Variants in BAZ2B observed in about 807,000 individuals in gnomAD.
The protein encoded by BAZ2B is bromodomain adjacent to zinc finger domain 2B, also known as bromodomain adjacent to zinc finger domain protein 2B.
Under a neutral mutation model 246.0 loss-of-function variants are expected in BAZ2B, and 91 were observed. The observed-to-expected ratio is 0.37, with a 90% confidence interval of 0.31 to 0.44. BAZ2B has a LOEUF of 0.44. Ranked by LOEUF, BAZ2B falls within the 20% of genes least tolerant of loss-of-function variation. The pLI, the probability that BAZ2B is intolerant of heterozygous loss-of-function variation, is 1.00. For synonymous variants in BAZ2B, 855 were observed against 860.0 expected, an observed-to-expected ratio of 0.99 and a Z score of 0.10; for missense variants, 2,332 against 2,533.7, an observed-to-expected ratio of 0.92 and a Z score of 1.71.
chr2:159,529,592 T>C (rs552329584), intron 2 of BAZ2B, among the ~76,000 whole-genome samples: 46 of 152,310 alleles, frequency 3.0e-4, no homozygotes, highest in South Asian at 1.4e-3. Flanking sequence ...CTGTAACAAA[T>C]ACTAATTCAT....
the BAZ2B span, among the ~76,000 whole-genome samples, chr2:159,623,584 G>GA: frequency 1.3e-5 from 2 of 151,982 alleles, no homozygotes; most frequent in Admixed American, 6.5e-5. Flanking sequence ...GGCTCCTATA[G>GA]AAAAAAGGGG....
chr2:159,606,314 ACT>A (rs141933957), intron 1 of BAZ2B, among the ~76,000 whole-genome samples: 47,479 of 151,820 alleles, frequency 0.31, 9,310 homozygotes, highest in Admixed American at 0.48. Context: ...TTGACCCACA[ACT>A]CTGTCAGTTA....
intron 13 of BAZ2B, among the ~76,000 whole-genome samples, chr2:159,424,736 AT>A (rs1281807110): frequency 1.3e-5 from 2 of 152,234 alleles, no homozygotes; most frequent in African/African-American, 4.8e-5. Flanking sequence ...CTGAATAAAA[AT>A]AACACAGTAT....
At chr2:159,542,734 G>A (rs1239598752) in intron 2 of BAZ2B, among the ~76,000 whole-genome samples, 1 of 152,116 alleles carries the variant, frequency 6.6e-6, no homozygotes, top group African/African-American at 2.4e-5. Context: ...AAACAAATCT[G>A]AAGTGCTTAA....
At position 159,438,540 on chromosome 2, in the gene BAZ2B, C is replaced by A. The variant is rs1283621332; in HGVS notation, c.1056G>T (p.Gln352His). 6.2e-7 allele frequency: 1 copy of A among 1,614,016 alleles called. No individual in the cohort carries two copies. Residue 352 changes from glutamine (Q) to histidine (H), a missense_variant, in exon 8 of 37, where the codon CAG becomes CAT. Around this residue, in one of 9 missense-constraint regions of BAZ2B, gnomAD observed 161 missense variants for 225.8 expected, o/e 0.71. Transcript: ENST00000392783. ...SQQKQPQVLS[Q>H]QLPFIFQSSQ... ...AGCTTTGGAAAATAAATGGAAGCTG[C>A]TGTGACAAAACCTGAGGCTGCTTCT...
intron 2 of BAZ2B, among the ~76,000 whole-genome samples, chr2:159,510,746 T>C (rs2082833732): frequency 1.3e-5 from 2 of 152,226 alleles, no homozygotes; most frequent in African/African-American, 2.4e-5. Context: ...TAAAAATTAA[T>C]GTTTGAAGTC....
chr2:159,601,131 T>C (rs1323397907), intron 1 of BAZ2B, among the ~76,000 whole-genome samples: 1 of 152,160 alleles, frequency 6.6e-6, no homozygotes, highest in Non-Finnish European at 1.5e-5. Context: ...AAAAAATATA[T>C]GTAAACTATA....
intron 2 of BAZ2B, among the ~76,000 whole-genome samples, chr2:159,540,997 G>A (rs1043661246): frequency 1.3e-5 from 2 of 152,082 alleles, no homozygotes; most frequent in Non-Finnish European, 2.9e-5. Flanking sequence ...TTCATCTGCT[G>A]AAATAATAAT....
the BAZ2B span, among the ~76,000 whole-genome samples, chr2:159,697,939 T>C: frequency 6.6e-6 from 1 of 152,320 alleles, no homozygotes; most frequent in East Asian, 1.9e-4. Context: ...GTTCCATCAG[T>C]TAAATACTGT....
At chr2:159,657,894 C>G in the BAZ2B span, among the ~76,000 whole-genome samples, 1 of 152,134 alleles carries the variant, frequency 6.6e-6, no homozygotes, top group Non-Finnish European at 1.5e-5. Flanking sequence ...AGTTTCATTT[C>G]TTCTTTCCCA....
the BAZ2B span, chr2:159,689,590 TCTC>T: frequency 8.5e-6 from 2 of 234,618 alleles, no homozygotes; most frequent in East Asian, 2.8e-4. Context: ...GCCAGGCTGG[TCTC>T]AAACTCCTGA....
the BAZ2B span, among the ~76,000 whole-genome samples, chr2:159,697,131 G>A: frequency 2.0e-5 from 3 of 152,084 alleles, no homozygotes; most frequent in African/African-American, 7.2e-5. Flanking sequence ...GTTTTCAGAG[G>A]ATGTGTGAGG....
rs149240953 is a variant in BAZ2B, at chr2:159,454,913, C to T, written c.146-1112G>A. On this transcript the variant is annotated intron_variant, in intron 3 of 36. Coordinates refer to ENST00000392783, the MANE Select transcript of BAZ2B (RefSeq NM_013450.4). ...AGGTTGGAATGTTATATGATAAAAA[C>T]ATGACTTATTTTTCATACTTTGTAG... 1.5e-3 allele frequency among the ~76,000 whole-genome samples: 228 copies of T among 152,196 alleles called. 1 individual carries two copies. Among genetic ancestry groups the T allele is most frequent in the African/African-American group, 5.2e-3 (215 of 41,544 alleles).
chr2:159,550,545 G>A (rs930359494), intron 2 of BAZ2B, among the ~76,000 whole-genome samples: 2 of 152,076 alleles, frequency 1.3e-5, no homozygotes, highest in Non-Finnish European at 2.9e-5. Context: ...GGAGACTGGG[G>A]AAATGATGTT....
chr2:159,557,156 T>TC (rs11309598), intron 1 of BAZ2B, among the ~76,000 whole-genome samples: 7 of 147,716 alleles, frequency 4.7e-5, no homozygotes, highest in Admixed American at 1.4e-4. Context: ...TTTTTTTTTT[T>TC]CCCTGCCTCA....
intron 27 of BAZ2B, among the ~76,000 whole-genome samples, chr2:159,363,826 T>C (rs74469724): frequency 0.091 from 13,890 of 151,982 alleles, 872 homozygotes; most frequent in African/African-American, 0.19. Flanking sequence ...CAGACTTGAA[T>C]AATTATTGGG....
At chr2:159,348,025 T>C (rs892137856) in intron 30 of BAZ2B, among the ~76,000 whole-genome samples, 1 of 151,952 alleles carries the variant, frequency 6.6e-6, no homozygotes, top group Admixed American at 6.6e-5. Context: ...ATCCCTTATA[T>C]AAAATGGTGT....
At chr2:159,574,120 GACAC>G (rs752237787) in intron 1 of BAZ2B, among the ~76,000 whole-genome samples, 1,582 of 132,102 alleles carry the variant, frequency 0.012, 20 homozygotes, top group Middle Eastern at 0.022. Flanking sequence ...GAGACTGACA[GACAC>G]ACACACACAC....
intron 2 of BAZ2B, among the ~76,000 whole-genome samples, chr2:159,529,278 A>G (rs1292620686): frequency 1.3e-5 from 2 of 151,996 alleles, no homozygotes; most frequent in African/African-American, 4.8e-5. Context: ...TTTGGCAACA[A>G]TGTGGGCTTT....
Sources: allele counts gnomAD v4.1 joint callset (sites outside exome capture counted in the v4.1 genomes callset), GRCh38; gene constraint gnomAD v4.1.1; regional missense constraint gnomAD v4.1.1; transcripts MANE v1.5; gene names NCBI Gene and HGNC (gene_info 2026-07-23, HGNC 2026-07-21).